SGCZ: variants seen among roughly 807,000 people sequenced by gnomAD.
SGCZ encodes the protein zeta-sarcoglycan.
Under a neutral mutation model 41.3 loss-of-function variants are expected in SGCZ, and 40 were observed. The ratio of observed to expected loss-of-function variants is 0.97; its 90% CI spans 0.75 to 1.26. The LOEUF (loss-of-function observed/expected upper bound fraction) is 1.26. Among genes scored for constraint, SGCZ ranks in the 50% most tolerant of loss-of-function variants. The pLI is 0.00. For synonymous variants in SGCZ, 206 were observed against 137.5 expected, an observed-to-expected ratio of 1.50 and a Z score of -3.49; for missense variants, 552 against 369.8, an observed-to-expected ratio of 1.49 and a Z score of -4.04.
rs1803194662 is a variant in SGCZ, at chr8:14,848,043, C to T, written c.40-293117G>A. Among the ~76,000 whole-genome samples, 4 of 152,020 alleles carry T rather than the reference C, an allele frequency of 2.6e-5. No individual in the cohort carries two copies. The South Asian group carries it at 8.3e-4, about 32-fold the overall frequency. Reference sequence around the variant, plus strand: ...GAAATAATAAGTGAATTTAGAAAGACAAGTTAAAATATCAATATTAAATGT... The same window carrying T: ...GAAATAATAAGTGAATTTAGAAAGATAAGTTAAAATATCAATATTAAATGT... On this transcript the variant is annotated intron_variant, in intron 1 of 7. Coordinates refer to ENST00000382080, the MANE Select transcript of SGCZ (RefSeq NM_139167.4).
chr8:14,813,218 C>T lies in SGCZ; in HGVS notation c.40-258292G>A, dbSNP rs544167061. 4.6e-5 allele frequency among the ~76,000 whole-genome samples: 7 copies of T among 152,196 alleles called. No homozygotes were observed. The East Asian group carries it at 1.2e-3, about 25-fold the overall frequency. On this transcript the variant is annotated intron_variant, in intron 1 of 7. Coordinates refer to ENST00000382080, the MANE Select transcript of SGCZ (RefSeq NM_139167.4). ...TGATCCTAATATGCTAGCGATTTAC[C>T]AGTCATCTTTGGAAGAGTTTCTCCC...
At chr8:15,206,489 G>A (rs779792351) in intron 1 of SGCZ, among the ~76,000 whole-genome samples, 4 of 143,362 alleles carry the variant, frequency 2.8e-5, no homozygotes, top group Non-Finnish European at 6.0e-5. Flanking sequence ...CTCACTCTTC[G>A]ACCCAGGCTG....
At chr8:15,196,881 C>T (rs959904262) in intron 1 of SGCZ, among the ~76,000 whole-genome samples, 1 of 152,316 alleles carries the variant, frequency 6.6e-6, no homozygotes, top group East Asian at 1.9e-4. Context: ...GAGGCCCAGG[C>T]CCCACGGTTG....
intron 1 of SGCZ, among the ~76,000 whole-genome samples, chr8:14,635,683 A>G (rs1806804402): frequency 6.6e-6 from 1 of 151,804 alleles, no homozygotes; most frequent in African/African-American, 2.4e-5. Flanking sequence ...AAAGATGGAA[A>G]AGTGATTAAA....
intron 1 of SGCZ, among the ~76,000 whole-genome samples, chr8:15,001,293 C>G (rs987746517): frequency 2.6e-5 from 4 of 152,196 alleles, no homozygotes; most frequent in African/African-American, 9.7e-5. Context: ...AACTTCAGCC[C>G]TTAGACTCAT....
intron 1 of SGCZ, among the ~76,000 whole-genome samples, chr8:15,167,259 G>C (rs193291362): frequency 3.4e-4 from 52 of 152,274 alleles, no homozygotes; most frequent in Non-Finnish European, 5.4e-4. Context: ...TTTTACCAAG[G>C]CTTTGACTGG....
At chr8:15,060,987 C>T (rs1378312733) in intron 1 of SGCZ, among the ~76,000 whole-genome samples, 2 of 152,114 alleles carry the variant, frequency 1.3e-5, no homozygotes, top group African/African-American at 4.8e-5. Context: ...TATGGGTTTC[C>T]TCCCTGCCTT....
chr8:15,031,627 C>T (rs1175805149), intron 1 of SGCZ, among the ~76,000 whole-genome samples: 3 of 152,216 alleles, frequency 2.0e-5, no homozygotes, highest in Admixed American at 6.5e-5. Flanking sequence ...GCTTCCCACA[C>T]TGGCAGTCAA....
intron 1 of SGCZ, among the ~76,000 whole-genome samples, chr8:14,651,764 C>T (rs10098420): frequency 6.6e-6 from 1 of 151,932 alleles, no homozygotes. Flanking sequence ...TATTGTGTTT[C>T]TACCCCATAA....
chr8:14,409,497 C>G (rs1395101081), intron 2 of SGCZ, among the ~76,000 whole-genome samples: 3 of 151,966 alleles, frequency 2.0e-5, no homozygotes, highest in Non-Finnish European at 4.4e-5. Flanking sequence ...AGAATATTCA[C>G]TTTTAAAATA....
intron 1 of SGCZ, among the ~76,000 whole-genome samples, chr8:14,791,724 T>C (rs1254833333): frequency 6.6e-6 from 1 of 152,200 alleles, no homozygotes; most frequent in Non-Finnish European, 1.5e-5. Context: ...ATTATTGCTC[T>C]GTAGTTCTGA....
chr8:14,576,667 A>C (rs964382951), intron 1 of SGCZ, among the ~76,000 whole-genome samples: 1 of 152,200 alleles, frequency 6.6e-6, no homozygotes, highest in Non-Finnish European at 1.5e-5. Context: ...CTTGCTCTTT[A>C]GAATCTTTTT....
At chr8:14,678,499 C>T (rs36070845) in intron 1 of SGCZ, among the ~76,000 whole-genome samples, 1 of 151,942 alleles carries the variant, frequency 6.6e-6, no homozygotes, top group Admixed American at 6.6e-5. Context: ...CCACTAAGAA[C>T]TTATTAAAAT....
chr8:14,778,120 G>A (rs942373474), intron 1 of SGCZ, among the ~76,000 whole-genome samples: 1 of 151,898 alleles, frequency 6.6e-6, no homozygotes, highest in Non-Finnish European at 1.5e-5. Context: ...TAAAGATGAG[G>A]TCTCAACTGA....
At chr8:15,111,862 C>T (rs1019392637) in intron 1 of SGCZ, among the ~76,000 whole-genome samples, 50 of 150,766 alleles carry the variant, frequency 3.3e-4, no homozygotes, top group African/African-American at 1.2e-3. Context: ...ATTACACCAC[C>T]GCACTCCAGC....
intron 2 of SGCZ, among the ~76,000 whole-genome samples, chr8:14,378,651 G>A (rs1306979080): frequency 6.6e-6 from 1 of 152,140 alleles, no homozygotes; most frequent in Non-Finnish European, 1.5e-5. Context: ...TAGCTGGTTG[G>A]TCACAAGTAT....
intron 1 of SGCZ, among the ~76,000 whole-genome samples, chr8:14,710,369 CAAAAAAAAAAAA>C (rs770994264): frequency 3.2e-5 from 3 of 92,432 alleles, no homozygotes; most frequent in African/African-American, 7.3e-5. Context: ...GACTCCGCAT[CAAAAAAAAAAAA>C]AAAAAAAAAA....
intron 1 of SGCZ, among the ~76,000 whole-genome samples, chr8:14,595,440 C>CAT (rs779527849): frequency 1.7e-3 from 260 of 149,566 alleles, no homozygotes; most frequent in Non-Finnish European, 3.0e-3. Context: ...CACACACACA[C>CAT]ACCATGTACT....
Position 14,418,410 on chromosome 8 carries a change from T to A in SGCZ, c.235-94206A>T, listed in dbSNP as rs181644008. The stretch of plus-strand genomic sequence containing the variant: ...CTGAGAGATAACCAAAAGATAGAAT[T>A]AGTTTGTGAGAGAAACGGACTTCTG... On this transcript the variant is annotated intron_variant, in intron 2 of 7. Coordinates refer to ENST00000382080, the MANE Select transcript of SGCZ (RefSeq NM_139167.4). Among the ~76,000 whole-genome samples, 558 of 152,016 alleles carry A rather than the reference T, an allele frequency of 3.7e-3. 4 individuals are homozygous for A. The Middle Eastern group carries it at 0.037, about 10-fold the overall frequency.
Sources: gnomAD v4.1 joint callset for allele counts (sites outside exome capture counted in the v4.1 genomes callset) on GRCh38, gnomAD v4.1.1 for gene constraint, MANE v1.5 for transcripts, NCBI Gene and HGNC (gene_info 2026-07-23, HGNC 2026-07-21) for gene names.